Variants in ACOT11 observed in about 807,000 individuals in gnomAD.
ACOT11 encodes acyl-CoA thioesterase 11.
ACOT11 carries 69 observed loss-of-function variants against 77.5 expected under a neutral mutation model. That is an observed-to-expected ratio of 0.89 (90% CI 0.73 to 1.09). ACOT11 has a LOEUF of 1.09. Among genes scored for constraint, ACOT11 ranks in the 50% least tolerant of loss-of-function variants. The pLI is 0.00. For synonymous variants in ACOT11, 279 were observed against 313.0 expected, an observed-to-expected ratio of 0.89 and a Z score of 1.15; for missense variants, 766 against 813.7, an observed-to-expected ratio of 0.94 and a Z score of 0.71.
chr1:54,634,789 G>A (rs575700265), exon 17 of ACOT11: 25 of 697,768 alleles, frequency 3.6e-5, no homozygotes, highest in Non-Finnish European at 6.5e-5. Context: ...AGGACCCCCT[G>A]GTTGCAGCCA....
At chr1:54,548,426 C>T (rs299874) in intron 1 of ACOT11, 84 bp downstream of exon 1, 1,093,530 of 1,486,882 alleles carry the variant, frequency 0.74, 404,514 homozygotes, top group East Asian at 0.9. Flanking sequence ...TTAACTCAGA[C>T]GCTCTGCATC....
At chr1:54,548,673 G>C (rs1291436606) in intron 1 of ACOT11, 1 of 399,818 alleles carries the variant, frequency 2.5e-6, no homozygotes, top group Non-Finnish European at 4.5e-6. Context: ...GGGGATGTCT[G>C]AGCTCCATGG....
At chr1:54,550,683 G>A (rs997065257) in intron 1 of ACOT11, among the ~76,000 whole-genome samples, 1 of 150,416 alleles carries the variant, frequency 6.6e-6, no homozygotes, top group African/African-American at 2.4e-5. Context: ...GCTGGGCATA[G>A]TGGTGTGCAC....
At chr1:54,569,307 G>A (rs1334121739) in intron 1 of ACOT11, among the ~76,000 whole-genome samples, 6 of 152,030 alleles carry the variant, frequency 3.9e-5, no homozygotes, top group Non-Finnish European at 8.8e-5. Flanking sequence ...GCTAGAATCG[G>A]CCCCTTCCTA....
chr1:54,592,285 G>A (rs2304308), intron 3 of ACOT11, among the ~76,000 whole-genome samples: 9,709 of 151,984 alleles, frequency 0.064, 513 homozygotes, highest in South Asian at 0.23. Flanking sequence ...ATTGGACAAC[G>A]GGGATCAGGG....
chr1:54,606,007 A>T (rs1644020676), intron 13 of ACOT11, among the ~76,000 whole-genome samples: 2 of 152,194 alleles, frequency 1.3e-5, no homozygotes, highest in Non-Finnish European at 2.9e-5. Context: ...TCCGCTGGTC[A>T]CTTGGTGAAT....
chr1:54,573,249 G>A, intron 1 of ACOT11: 1 of 985,452 alleles, frequency 1.0e-6, no homozygotes, highest in Non-Finnish European at 1.2e-6. Flanking sequence ...TGGTCAAGCA[G>A]TCTTAGCTTT....
intron 15 of ACOT11, among the ~76,000 whole-genome samples, chr1:54,620,845 C>CAAAAAAA (rs767625864): frequency 0.097 from 1,173 of 12,154 alleles, 246 homozygotes; most frequent in Middle Eastern, 0.25. Flanking sequence ...GAGACTCTGT[C>CAAAAAAA]AAAAAAAAAA....
chr1:54,571,069 C>T (rs1375052337), intron 1 of ACOT11, among the ~76,000 whole-genome samples: 1 of 140,578 alleles, frequency 7.1e-6, no homozygotes, highest in Admixed American at 6.8e-5. Flanking sequence ...TATTCTCTCT[C>T]TCTTTTTTTT....
chr1:54,560,410 C>G (rs1653426485), intron 1 of ACOT11, among the ~76,000 whole-genome samples: 1 of 152,094 alleles, frequency 6.6e-6, no homozygotes, highest in Non-Finnish European at 1.5e-5. Context: ...GGGCACCCTC[C>G]TTGACCCCCT....
intron 1 of ACOT11, among the ~76,000 whole-genome samples, chr1:54,561,917 C>G (rs1233060688): frequency 1.0e-5 from 1 of 99,012 alleles, no homozygotes; most frequent in African/African-American, 5.9e-5. Flanking sequence ...GGGGCTGACC[C>G]CCCCCCCACC....
intron 4 of ACOT11, 68 bp downstream of exon 4, chr1:54,592,674 T>C: frequency 1.3e-6 from 2 of 1,542,582 alleles, no homozygotes; most frequent in Non-Finnish European, 1.8e-6. Context: ...TCTCCATTCT[T>C]CTCCCTGCAG....
chr1:54,563,293 A>C (rs1653617166), intron 1 of ACOT11, among the ~76,000 whole-genome samples: 1 of 152,198 alleles, frequency 6.6e-6, no homozygotes, highest in South Asian at 2.1e-4. Context: ...AGCTTAAGCA[A>C]CTTGGAGAGG....
In ACOT11 at chr1:54,594,668, T is replaced by C; in HGVS notation, c.584T>C (p.Leu195Pro). ...TATGCAGACACCATCAAGGACCTCC[T>C]GGCCAACTGCGCCATTCAGGGCGGT... is the stretch of plus-strand genomic sequence containing the variant. ...LVYADTIKDLLANCAIQGDLE... is the reference protein window; with the variant it reads ...LVYADTIKDLPANCAIQGDLE... The change falls in exon 6 of 16, where the codon CTG becomes CCG. Residue 195 changes from leucine to proline, a missense_variant. Physicochemically the swap from Leu to Pro is moderately conservative, Grantham distance 98. Coordinates refer to ENST00000343744, the MANE Select transcript of ACOT11 (RefSeq NM_147161.4). The C allele has an allele frequency of 6.2e-7, 1 of 1,613,666 alleles. No individual in the cohort carries two copies. Among genetic ancestry groups the C allele is most frequent in the South Asian group, 1.1e-5 (1 of 91,010 alleles).
intron 1 of ACOT11, among the ~76,000 whole-genome samples, chr1:54,581,495 GC>G (rs1435855100): frequency 7.9e-5 from 12 of 152,264 alleles, no homozygotes; most frequent in African/African-American, 2.9e-4. Context: ...GGTCTCTCCT[GC>G]CCTGACCCTG....
Position 54,556,696 on chromosome 1 carries a change from C to T in ACOT11, c.33+8354C>T, listed in dbSNP as rs536543598. Reference sequence around the variant, plus strand: ...TCCTGGGTTCAAGTGATTCTTCTCCCTCAGTCCCCCGAGTAGCTGGGATTA... The same window carrying T: ...TCCTGGGTTCAAGTGATTCTTCTCCTTCAGTCCCCCGAGTAGCTGGGATTA... On this transcript the variant is annotated intron_variant, in intron 1 of 15. Transcript: ENST00000343744. Among the ~76,000 whole-genome samples the T allele has an allele frequency of 2.6e-5, 4 of 152,104 alleles. No individual in the cohort carries two copies. The South Asian group carries it at 8.3e-4, about 32-fold the overall frequency.
chr1:54,559,201 A>G (rs1345967000), intron 1 of ACOT11, among the ~76,000 whole-genome samples: 1 of 152,168 alleles, frequency 6.6e-6, no homozygotes, highest in Non-Finnish European at 1.5e-5. Context: ...TGCACCTAGA[A>G]TGTGGCCTCA....
At chr1:54,550,046 A>T (rs903416032) in intron 1 of ACOT11, among the ~76,000 whole-genome samples, 2 of 152,206 alleles carry the variant, frequency 1.3e-5, no homozygotes, top group Admixed American at 1.3e-4. Context: ...AGGTAGGTAC[A>T]GTTATCATCC....
In ACOT11 at chr1:54,622,251, G is replaced by A. The variant is rs1160555915; in HGVS notation, c.1630-8483G>A. ...ATATCATGTCACCGCACTCTAGGCT[G>A]AGTGACAGAGTGAGACTCTGTCTCA... On this transcript the variant is annotated intron_variant, in intron 15 of 16. Coordinates refer to the ACOT11 transcript ENST00000371316. Among the ~76,000 whole-genome samples, 7 of 121,768 alleles carry A rather than the reference G, an allele frequency of 5.7e-5. No individual in the cohort carries two copies. In the Admixed American group the frequency reaches 7.0e-4, roughly 12 times the overall value. The allele number at this position is 121,768 out of a possible 152,430, so 79.9% of individuals were successfully genotyped here.
Sources: gnomAD v4.1 joint callset for allele counts (sites outside exome capture counted in the v4.1 genomes callset) on GRCh38, gnomAD v4.1.1 for gene constraint, MANE v1.5 for transcripts, NCBI Gene and HGNC (gene_info 2026-07-23, HGNC 2026-07-21) for gene names.